RBPMS2: variants seen among roughly 807,000 people sequenced by gnomAD.
RBPMS2 encodes the protein RNA-binding protein with multiple splicing 2.
RBPMS2 carries 14 observed loss-of-function variants against 25.7 expected under a neutral mutation model. The observed-to-expected ratio is 0.55, with a 90% confidence interval of 0.36 to 0.85. The LOEUF is 0.85. Among genes scored for constraint, RBPMS2 ranks in the 40% least tolerant of loss-of-function variants. The pLI, the probability that RBPMS2 is intolerant of heterozygous loss-of-function variation, is 0.01. For missense variants in RBPMS2, 252 were observed against 283.4 expected (o/e 0.89, Z 0.80); for synonymous variants, 127 against 115.6 (o/e 1.10, Z -0.63).
chr15:64,751,522 C>T lies in RBPMS2; in HGVS notation c.165+39G>A, dbSNP rs1226468305. ...TTCACTCCCGCTGCTTCTCCAGGGT[C>T]CCAGGCTCTACCCAGGGGGCGGCTG... On this transcript the variant is annotated intron_variant, in intron 2 of 7. Transcript: ENST00000300069. 3.8e-6 allele frequency: 6 copies of T among 1,575,498 alleles called. No individual in the cohort carries two copies. The South Asian group carries it at 6.6e-5, about 17-fold the overall frequency.
At chr15:64,764,998 G>A (rs1420804588) in intron 1 of RBPMS2, among the ~76,000 whole-genome samples, 9 of 151,344 alleles carry the variant, frequency 5.9e-5, no homozygotes, top group Admixed American at 1.3e-4. Flanking sequence ...AGGCAGAGGC[G>A]GGCGGATCAC....
Position 64,749,009 on chromosome 15 carries a change from G to A in RBPMS2, c.409C>T (p.Arg137Trp), listed in dbSNP as rs142321272. 2.9e-5 allele frequency: 47 copies of A among 1,614,062 alleles called. No homozygotes were observed. The highest frequency in any genetic ancestry group is 3.8e-5 in the Non-Finnish European group (45 of 1,180,024). Residue 137 changes from arginine to tryptophan, a missense_variant, in exon 5 of 8, where the codon CGG becomes TGG. Coordinates refer to ENST00000300069, the MANE Select transcript of RBPMS2 (RefSeq NM_194272.3). ...TCAGAGTGCCACTCACAGGGGTCCC[G>A]TGCGATGAAGTGTGCTCCTAGGGCG... ...HPALGAHFIA[R>W]DPYDLMGAAL...
intron 1 of RBPMS2, among the ~76,000 whole-genome samples, chr15:64,758,650 G>C (rs546985045): frequency 7.9e-5 from 12 of 152,164 alleles, no homozygotes; most frequent in African/African-American, 2.9e-4. Context: ...ACCAACTTTT[G>C]GCACAACTGC....
chr15:64,756,448 T>C (rs1243750294), intron 1 of RBPMS2, among the ~76,000 whole-genome samples: 2 of 149,136 alleles, frequency 1.3e-5, no homozygotes, highest in African/African-American at 2.5e-5. Context: ...CCTGGAGAGA[T>C]GGAGGTTGCA....
chr15:64,744,020 C>T (rs919853310), intron 6 of RBPMS2, among the ~76,000 whole-genome samples: 23 of 151,694 alleles, frequency 1.5e-4, no homozygotes, highest in African/African-American at 5.6e-4. Flanking sequence ...GCAGGAGGAT[C>T]GTGCTTGAGC....
intron 6 of RBPMS2, among the ~76,000 whole-genome samples, chr15:64,746,023 C>A (rs560739251): frequency 6.6e-6 from 1 of 152,270 alleles, no homozygotes; most frequent in Admixed American, 6.5e-5. Flanking sequence ...AGTGTCCATA[C>A]TTCATTTAGA....
intron 1 of RBPMS2, among the ~76,000 whole-genome samples, chr15:64,752,818 G>C (rs1267596208): frequency 1.3e-5 from 2 of 152,060 alleles, no homozygotes; most frequent in Non-Finnish European, 2.9e-5. Context: ...CACCACATTG[G>C]TCACGCTGGT....
Position 64,763,966 on chromosome 15 carries a change from C to G in RBPMS2, c.87+11267G>C, listed in dbSNP as rs983429078. Reference sequence around the variant, plus strand: ...GAAGCCTTAATGTCGTGGGAACACACCTGGTCAAAGCCTGTTGTGTGCACT... The same window carrying G: ...GAAGCCTTAATGTCGTGGGAACACAGCTGGTCAAAGCCTGTTGTGTGCACT... On this transcript the variant is annotated intron_variant, in intron 1 of 7. Coordinates refer to ENST00000300069, the MANE Select transcript of RBPMS2 (RefSeq NM_194272.3). Among the ~76,000 whole-genome samples the G allele has an allele frequency of 3.3e-5, 5 of 152,334 alleles. No homozygotes were observed. The South Asian group carries it at 1.0e-3, about 32-fold the overall frequency.
chr15:64,749,323 G>A, intron 4 of RBPMS2, 108 bp downstream of exon 4: 1 of 1,311,366 alleles, frequency 7.6e-7, no homozygotes, highest in South Asian at 1.2e-5. Flanking sequence ...GGCACAGACA[G>A]TGTCGCCAAG....
At chr15:64,766,982 C>T (rs913273505) in intron 1 of RBPMS2, among the ~76,000 whole-genome samples, 3 of 152,174 alleles carry the variant, frequency 2.0e-5, no homozygotes, top group African/African-American at 7.2e-5. Flanking sequence ...TGGGGTTTCA[C>T]CACATTGCCC....
In RBPMS2 at chr15:64,751,376, G is replaced by A. The variant is rs117261229; in HGVS notation, c.165+185C>T. Among the ~76,000 whole-genome samples, 1,107 of 151,938 alleles carry A rather than the reference G, an allele frequency of 7.3e-3. 11 individuals carry two copies. The highest frequency in any genetic ancestry group is 0.048 in the Middle Eastern group (14 of 294). ...TTCTTACTGTCTCCATTTAACTGGCGAGGAAACAGAGGCTCAGAAGGCAGC... is the reference window on the plus strand; with the variant it reads ...TTCTTACTGTCTCCATTTAACTGGCAAGGAAACAGAGGCTCAGAAGGCAGC... On this transcript the variant is annotated intron_variant, in intron 2 of 7. Coordinates refer to ENST00000300069, the MANE Select transcript of RBPMS2 (RefSeq NM_194272.3).
At chr15:64,749,537 T>C (rs1036748560) in intron 3 of RBPMS2, 44 bp from the exon 4 acceptor site, 5 of 1,477,854 alleles carry the variant, frequency 3.4e-6, no homozygotes, top group Non-Finnish European at 4.7e-6. Context: ...CTCCTAGCAT[T>C]CCACCTCTCC....
chr15:64,741,119 T>G, intron 7 of RBPMS2, 54 bp downstream of exon 7: 1 of 1,392,418 alleles, frequency 7.2e-7, no homozygotes. Context: ...CTACGGCCCT[T>G]CAGGGAGCCG....
chr15:64,767,156 G>A (rs1181950920), intron 1 of RBPMS2, among the ~76,000 whole-genome samples: 1 of 151,864 alleles, frequency 6.6e-6, no homozygotes, highest in Admixed American at 6.6e-5. Flanking sequence ...CTCAAGTGCA[G>A]TGGTGGGATA....
intron 6 of RBPMS2, among the ~76,000 whole-genome samples, chr15:64,741,454 G>T (rs191020978): frequency 7.9e-5 from 12 of 152,296 alleles, no homozygotes; most frequent in African/African-American, 2.9e-4. Context: ...CAGGACACAG[G>T]TTCCAGCGAA....
At position 64,748,536 on chromosome 15, in the gene RBPMS2, T is replaced by C; in HGVS notation, c.450A>G (p.Ala150=). Residue 150 remains alanine, a synonymous_variant, in exon 6 of 8, where the codon GCA becomes GCG. Transcript: ENST00000300069. The part of the protein sequence containing the change: ...YDLMGAALIP[A]SPEAWAPYPL... ...GGTAGGGGGCCCAGGCCTCTGGGGA[T>C]GCAGGGATCAGAGCAGCCCCCATCA... The C allele has an allele frequency of 6.2e-7, 1 of 1,601,892 alleles. No individual in the cohort carries two copies. The highest frequency in any genetic ancestry group is 8.5e-7 in the Non-Finnish European group (1 of 1,173,554).
intron 2 of RBPMS2, among the ~76,000 whole-genome samples, chr15:64,750,998 C>T (rs368817308): frequency 1.3e-5 from 2 of 150,030 alleles, no homozygotes; most frequent in East Asian, 4.0e-4. Context: ...CACGCCACTG[C>T]ACTCCAGCCT....
At chr15:64,773,483 A>C (rs1280199546) in intron 1 of RBPMS2, among the ~76,000 whole-genome samples, 1 of 152,232 alleles carries the variant, frequency 6.6e-6, no homozygotes. Context: ...TCAACTCCCA[A>C]GGAGGAATAG....
In RBPMS2 at chr15:64,751,492, C is replaced by T. The variant is rs971031653; in HGVS notation, c.165+69G>A. 1.6e-5 allele frequency: 22 copies of T among 1,390,752 alleles called. No homozygotes were observed. The East Asian group carries it at 2.5e-4, about 16-fold the overall frequency. The allele number at this position is 1,390,752 out of a possible 1,614,324, so 86.2% of individuals were successfully genotyped here. A position where few individuals can be genotyped will look rare whatever the true frequency, so the allele number is the denominator to read the frequency against. On this transcript the variant is annotated intron_variant, in intron 2 of 7. Coordinates refer to ENST00000300069, the MANE Select transcript of RBPMS2 (RefSeq NM_194272.3). Reference sequence around the variant, plus strand: ...CATCATCCTGCTGCCCTGCCCGACCCGAGATTCACTCCCGCTGCTTCTCCA... The same window carrying T: ...CATCATCCTGCTGCCCTGCCCGACCTGAGATTCACTCCCGCTGCTTCTCCA...
Sources: gnomAD v4.1 joint callset for allele counts (sites outside exome capture counted in the v4.1 genomes callset) on GRCh38, gnomAD v4.1.1 for gene constraint, MANE v1.5 for transcripts, NCBI Gene and HGNC (gene_info 2026-07-23, HGNC 2026-07-21) for gene names.